The following ZNF468 variants were observed in gnomAD, a reference collection of about 807,000 sequenced individuals.
ZNF468 encodes the protein zinc finger protein 468.
Under a neutral mutation model 7.2 loss-of-function variants are expected in ZNF468, and 8 were observed. The ratio of observed to expected loss-of-function variants is 1.11; its 90% CI spans 0.65 to 2.01. The LOEUF (loss-of-function observed/expected upper bound fraction) is 2.01, where lower values mean the gene tolerates loss of function less well. Ranked by LOEUF, ZNF468 falls within the 30% of genes most tolerant of loss-of-function variation. The pLI is 0.00. For synonymous variants in ZNF468, 218 were observed against 214.4 expected (o/e 1.02, Z -0.15); for missense variants, 608 against 626.5 (o/e 0.97, Z 0.31).
chr19:52,854,526 AC>A (rs1284515077), intron 1 of ZNF468, among the ~76,000 whole-genome samples, 181 bp from the exon 2 acceptor site: 1 of 151,932 alleles, frequency 6.6e-6, no homozygotes, highest in Non-Finnish European at 1.5e-5. Flanking sequence ...GCCCACACAC[AC>A]GCTGCAGCAG....
chr19:52,841,725 T>C lies in ZNF468; in HGVS notation c.569A>G (p.Asn190Ser), dbSNP rs1365453301. 2.5e-6 allele frequency: 4 copies of C among 1,613,992 alleles called. No individual in the cohort carries two copies. Among genetic ancestry groups the C allele is most frequent in the Non-Finnish European group, 2.5e-6 (3 of 1,180,020 alleles). Residue 190 changes from asparagine to serine, a missense_variant, in exon 4 of 4, where the codon AAT becomes AGT. By Grantham distance (46) the Asn-to-Ser change is conservative. Coordinates refer to ENST00000595646, the MANE Select transcript of ZNF468 (RefSeq NM_001008801.2). Reference sequence around the variant, plus strand: ...ATGGAGGGAATTATTTCCATACTTATTAGAAATATGGGTTTTGGGCCTACA... The same window carrying C: ...ATGGAGGGAATTATTTCCATACTTACTAGAAATATGGGTTTTGGGCCTACA... ...ICCRPKTHIS[N>S]KYGNNSLHSS...
Position 52,839,046 on chromosome 19 carries a change from A to T in ZNF468, c.*1679T>A, listed in dbSNP as rs2063271834. 1 of 152,210 alleles carries T rather than the reference A, an allele frequency of 6.6e-6. No individual in the cohort carries two copies. The highest frequency in any genetic ancestry group is 2.4e-5 in the African/African-American group (1 of 41,400). 9.4% of individuals were successfully genotyped at this position (152,210 alleles called of 1,614,324 possible). A position where few individuals can be genotyped will look rare whatever the true frequency, so the allele number is the denominator to read the frequency against. On this transcript the variant is annotated 3_prime_UTR_variant, in exon 4 of 4. Coordinates refer to ENST00000595646, the MANE Select transcript of ZNF468 (RefSeq NM_001008801.2). ...GTCGGGTGGATCATAAAGTCAGAAG[A>T]TAGAGACCATTCTGGCTAACACGGT...
At chr19:52,850,825 G>C (rs1415793085) in intron 2 of ZNF468, among the ~76,000 whole-genome samples, 1 of 151,904 alleles carries the variant, frequency 6.6e-6, no homozygotes, top group East Asian at 1.9e-4. Flanking sequence ...CGTGAACCCG[G>C]GAGGTGGAGC....
At chr19:52,857,253 G>A (rs1198742379) in intron 1 of ZNF468, among the ~76,000 whole-genome samples, 17 of 152,230 alleles carry the variant, frequency 1.1e-4, no homozygotes, top group Non-Finnish European at 1.8e-4. Flanking sequence ...GGCGCACAGG[G>A]TGGGAATACA....
chr19:52,847,163 G>A (rs1259240070), intron 3 of ZNF468, among the ~76,000 whole-genome samples: 1 of 152,152 alleles, frequency 6.6e-6, no homozygotes, highest in African/African-American at 2.4e-5. Flanking sequence ...TTGAGATGCT[G>A]TTAACCTGTA....
chr19:52,842,057 ACTTG>A lies in ZNF468; in HGVS notation c.233_236del (p.Ala78ValfsTer35). On this transcript the variant is annotated frameshift_variant, in exon 4 of 4. Transcript: ENST00000595646. LOFTEE classifies it low-confidence loss of function (END_TRUNC). ...GGAAACAAAATTCTCCAATGTGATG[ACTTG>A]CTTGTCTGTGCAATGTCCCTGTGTG... The A allele has an allele frequency of 6.2e-7, 1 of 1,614,024 alleles. No individual in the cohort carries two copies. The highest frequency in any genetic ancestry group is 2.2e-5 in the East Asian group (1 of 44,864).
chr19:52,840,091 C>G lies in ZNF468; in HGVS notation c.*634G>C. 1.2e-6 allele frequency: 1 copy of G among 829,002 alleles called. No individual in the cohort carries two copies. Among genetic ancestry groups the G allele is most frequent in the Non-Finnish European group, 1.8e-6 (1 of 570,866 alleles). The allele number at this position is 829,002 out of a possible 1,614,324, so 51.4% of individuals were successfully genotyped here. On this transcript the variant is annotated 3_prime_UTR_variant, in exon 4 of 4. Coordinates refer to ENST00000595646, the MANE Select transcript of ZNF468 (RefSeq NM_001008801.2). ...ATGGGGTGCCACGTGTGAATCATTC[C>G]CGAAAGCCTTGTCACAAACCTTACA...
In ZNF468 at chr19:52,841,596, TG is replaced by T. The variant is rs748652964; in HGVS notation, c.697del (p.His233IlefsTer3). Reference sequence around the variant, plus strand: ...TTTCTCTTCTAAGTGAATTATCTGATGTTTTTTTAAGAGTGAGCTGCAATTA... The same window carrying T: ...TTTCTCTTCTAAGTGAATTATCTGATTTTTTTTAAGAGTGAGCTGCAATTA... ...SFNCSSLLKK[H>X]QIIHLEEKQC... is the part of the protein sequence containing the mutation. On this transcript the variant is annotated frameshift_variant, in exon 4 of 4. Transcript: ENST00000595646. LOFTEE classifies it low-confidence loss of function (END_TRUNC). The T allele has an allele frequency of 2.4e-5, 38 of 1,613,988 alleles. No individual in the cohort carries two copies. The highest frequency in any genetic ancestry group is 3.3e-4 in the Middle Eastern group (2 of 6,084).
chr19:52,848,248 C>T (rs1341848568), intron 3 of ZNF468, among the ~76,000 whole-genome samples: 2 of 152,120 alleles, frequency 1.3e-5, no homozygotes, highest in African/African-American at 2.4e-5. Context: ...CAGTCCAGGG[C>T]TTTTCCTTTG....
At chr19:52,845,623 C>G (rs1214012305) in intron 3 of ZNF468, among the ~76,000 whole-genome samples, 2 of 152,050 alleles carry the variant, frequency 1.3e-5, no homozygotes. Flanking sequence ...CACACCACTG[C>G]ACTCCAGCCC....
chr19:52,839,390 T>A lies in ZNF468; in HGVS notation c.*1335A>T, dbSNP rs1434440034. ...GTGCTGGAATTACAGGCATGAGCCA[T>A]GGCCCCCAGTGCAATCCTCTTAACA... On this transcript the variant is annotated 3_prime_UTR_variant, in exon 4 of 4. Coordinates refer to ENST00000595646, the MANE Select transcript of ZNF468 (RefSeq NM_001008801.2). The A allele has an allele frequency of 3.9e-6, 1 of 256,532 alleles. No homozygotes were observed. The highest frequency in any genetic ancestry group is 2.3e-5 in the African/African-American group (1 of 43,528). The allele number at this position is 256,532 out of a possible 1,614,324, so 15.9% of individuals were successfully genotyped here. A position where few individuals can be genotyped will look rare whatever the true frequency, so the allele number is the denominator to read the frequency against.
intron 2 of ZNF468, 50 bp downstream of exon 2, chr19:52,854,208 G>A: frequency 5.0e-6 from 8 of 1,613,118 alleles, no homozygotes; most frequent in Non-Finnish European, 5.9e-6. Flanking sequence ...CAAGGCCCAG[G>A]GTATCTGAAA....
Position 52,850,221 on chromosome 19 carries a change from T to C in ZNF468, c.16-1008A>G, listed in dbSNP as rs1447205226. Among the ~76,000 whole-genome samples, 7 of 152,294 alleles carry C rather than the reference T, an allele frequency of 4.6e-5. No homozygotes were observed. The East Asian group carries it at 1.4e-3, about 29-fold the overall frequency. On this transcript the variant is annotated intron_variant, in intron 2 of 3. Transcript: ENST00000595646. ...ATCTCATCTTGCTGGAAAAGGATAC[T>C]TTGGCAGTTGTGGGCAGGGGGAATC...
intron 3 of ZNF468, among the ~76,000 whole-genome samples, chr19:52,842,494 T>C (rs552903839): frequency 6.6e-6 from 1 of 152,148 alleles, no homozygotes; most frequent in South Asian, 2.1e-4. Flanking sequence ...AAAATATATA[T>C]TCTCCATATT....
chr19:52,848,633 C>T (rs1292612824), intron 3 of ZNF468, among the ~76,000 whole-genome samples: 1 of 152,142 alleles, frequency 6.6e-6, no homozygotes, highest in African/African-American at 2.4e-5. Flanking sequence ...TCACTGCAAC[C>T]TTGGCCTCCT....
chr19:52,850,743 C>CA (rs1400572521), intron 2 of ZNF468, among the ~76,000 whole-genome samples: 1 of 150,056 alleles, frequency 6.7e-6, no homozygotes, highest in African/African-American at 2.4e-5. Flanking sequence ...ACTAAAAATA[C>CA]AAAAAATTAG....
intron 2 of ZNF468, among the ~76,000 whole-genome samples, chr19:52,849,996 C>T (rs886290090): frequency 1.3e-4 from 20 of 151,986 alleles, no homozygotes; most frequent in Non-Finnish European, 5.9e-5. Flanking sequence ...CCTACAGAGA[C>T]TCACAAAACA....
chr19:52,853,093 G>A (rs541138674), intron 2 of ZNF468, among the ~76,000 whole-genome samples: 4 of 152,094 alleles, frequency 2.6e-5, no homozygotes, highest in Admixed American at 1.3e-4. Context: ...CTGACCTTGT[G>A]ATCCACCCAC....
At chr19:52,849,303 A>G in intron 2 of ZNF468, 90 bp from the exon 3 acceptor site, 1 of 1,599,216 alleles carries the variant, frequency 6.3e-7, no homozygotes, top group African/African-American at 1.3e-5. Flanking sequence ...GAAAGCATGG[A>G]TTTAACTGTA....
Sources: gnomAD v4.1 joint callset for allele counts (sites outside exome capture counted in the v4.1 genomes callset) on GRCh38, gnomAD v4.1.1 for gene constraint, MANE v1.5 for transcripts, NCBI Gene and HGNC (gene_info 2026-07-23, HGNC 2026-07-21) for gene names.